Variants in CDH23 observed in about 807,000 individuals in gnomAD.
The protein encoded by CDH23 is cadherin related 23, also known as cadherin-23.
A neutral mutation model predicts 317.1 loss-of-function variants in CDH23; 189 were observed. That is an observed-to-expected ratio of 0.60 (90% CI 0.53 to 0.67). The LOEUF is 0.67. CDH23 is among the 30% of genes least tolerant of loss of function. The probability of loss-of-function intolerance (pLI) is 0.00; values close to 1 mark genes in which losing one functional copy is unlikely to be tolerated. For missense variants in CDH23, 4,401 were observed against 4,592.4 expected (o/e 0.96, Z 1.20); for synonymous variants, 1,839 against 1,876.8 (o/e 0.98, Z 0.52).
chr10:71,445,967 G>A (rs1184384828), intron 2 of CDH23, among the ~76,000 whole-genome samples: 3 of 151,392 alleles, frequency 2.0e-5, no homozygotes, highest in South Asian at 2.1e-4. Context: ...TATAATCAAT[G>A]TAAAAGATCA....
intron 1 of CDH23, among the ~76,000 whole-genome samples, chr10:71,433,228 C>T (rs1273879998): frequency 6.6e-6 from 1 of 152,180 alleles, no homozygotes; most frequent in African/African-American, 2.4e-5. Flanking sequence ...ATCCAAACAC[C>T]ATCCCCTGTT....
At chr10:71,779,501 A>G (rs1362495020) in intron 41 of CDH23, 54 bp downstream of exon 41, 2 of 1,465,554 alleles carry the variant, frequency 1.4e-6, no homozygotes, top group African/African-American at 2.8e-5. Flanking sequence ...ACACCCGCTC[A>G]GGGGAGGATA....
At chr10:71,772,415 G>C (rs74145650) in intron 38 of CDH23, among the ~76,000 whole-genome samples, 78 of 152,274 alleles carry the variant, frequency 5.1e-4, no homozygotes, top group African/African-American at 1.9e-3. Context: ...ATAAAGTTTG[G>C]TTCCACAGGC....
chr10:71,509,656 T>C (rs1853842006), intron 3 of CDH23, among the ~76,000 whole-genome samples: 1 of 152,132 alleles, frequency 6.6e-6, no homozygotes, highest in African/African-American at 2.4e-5. Flanking sequence ...CCTGAACCAG[T>C]CATCATGACC....
intron 8 of CDH23, 122 bp from the exon 9 acceptor site, chr10:71,577,792 T>C: frequency 2.6e-6 from 2 of 779,922 alleles, no homozygotes; most frequent in South Asian, 3.2e-5. Flanking sequence ...TGGCATCTAC[T>C]TCCTGGGTTG....
chr10:71,444,250 T>TA (rs1482165258), intron 2 of CDH23, among the ~76,000 whole-genome samples: 1 of 152,260 alleles, frequency 6.6e-6, no homozygotes, highest in Admixed American at 6.5e-5. Context: ...GCTAAGCGCT[T>TA]TATGTATGTA....
At chr10:71,696,744 A>G (rs1865404872) in intron 22 of CDH23, among the ~76,000 whole-genome samples, 1 of 152,230 alleles carries the variant, frequency 6.6e-6, no homozygotes, top group African/African-American at 2.4e-5. Context: ...GAATAGGCAC[A>G]GTGGAATAGG....
At chr10:71,502,041 C>G (rs1035577736) in intron 3 of CDH23, among the ~76,000 whole-genome samples, 2 of 152,226 alleles carry the variant, frequency 1.3e-5, no homozygotes, top group Non-Finnish European at 2.9e-5. Flanking sequence ...CCAGGCGGCC[C>G]TCTCCCGGCC....
At chr10:71,648,242 A>T (rs1424728117) in intron 14 of CDH23, among the ~76,000 whole-genome samples, 1 of 152,164 alleles carries the variant, frequency 6.6e-6, no homozygotes, top group African/African-American at 2.4e-5. Context: ...GGCCCCCTGG[A>T]CCTTCCTTCA....
intron 6 of CDH23, among the ~76,000 whole-genome samples, chr10:71,543,900 T>C (rs933932460): frequency 6.6e-6 from 1 of 152,180 alleles, no homozygotes; most frequent in African/African-American, 2.4e-5. Flanking sequence ...AGACGGATCC[T>C]TGGGCCTCTT....
At chr10:71,403,326 C>CCTTTCTTTCTTTCTTT (rs201389920) in intron 1 of CDH23, among the ~76,000 whole-genome samples, 10 of 60,772 alleles carry the variant, frequency 1.6e-4, no homozygotes, top group Non-Finnish European at 2.8e-4. Context: ...TTCCTTCCTT[C>CCTTTCTTTCTTTCTTT]CTTTCTTTCT....
At chr10:71,619,132 C>T (rs895563020) in intron 11 of CDH23, among the ~76,000 whole-genome samples, 4 of 152,022 alleles carry the variant, frequency 2.6e-5, no homozygotes, top group African/African-American at 9.7e-5. Context: ...GCCAGGAGTT[C>T]GAGACCAGCC....
intron 44 of CDH23, among the ~76,000 whole-genome samples, chr10:71,786,259 T>C (rs1013409649): frequency 1.3e-5 from 2 of 152,132 alleles, no homozygotes; most frequent in Non-Finnish European, 2.9e-5. Flanking sequence ...TCCCTTTGGG[T>C]TGGGGGTCAG....
At chr10:71,537,189 C>T (rs1046984276) in intron 6 of CDH23, among the ~76,000 whole-genome samples, 2 of 151,950 alleles carry the variant, frequency 1.3e-5, no homozygotes, top group Non-Finnish European at 2.9e-5. Flanking sequence ...AACCCCTACT[C>T]CCCAAGCAGA....
intron 49 of CDH23, among the ~76,000 whole-genome samples, chr10:71,797,628 C>T (rs914535661): frequency 1.3e-5 from 2 of 152,148 alleles, no homozygotes; most frequent in Non-Finnish European, 2.9e-5. Flanking sequence ...AGGGTTAGCA[C>T]AAAGGAAGCA....
rs781698111 is a variant in CDH23, at chr10:71,793,439, C to T, written c.6511C>T (p.Arg2171Cys). 1.1e-5 allele frequency: 17 copies of T among 1,613,884 alleles called. No individual in the cohort carries two copies. The Admixed American group carries it at 1.2e-4, about 11-fold the overall frequency. ...TCTGATCGATGACATCAATGACTCC[C>T]GCCCCGAGTTCCTCAACCCCATCCA... is the stretch of plus-strand genomic sequence containing the variant. ...TILIDDINDS[R>C]PEFLNPIQTV... The change falls in exon 48 of 70, where the codon CGC (arginine) becomes TGC (cysteine). Residue 2171 changes from arginine to cysteine, a missense_variant. Coordinates refer to ENST00000224721, the MANE Select transcript of CDH23 (RefSeq NM_022124.6).
At chr10:71,777,329 G>C (rs1391724552) in intron 38 of CDH23, among the ~76,000 whole-genome samples, 1 of 152,160 alleles carries the variant, frequency 6.6e-6, no homozygotes, top group Non-Finnish European at 1.5e-5. Context: ...TGACTACCAG[G>C]GTTCATCCCA....
intron 3 of CDH23, among the ~76,000 whole-genome samples, chr10:71,454,509 G>A (rs947692181): frequency 2.0e-5 from 3 of 152,188 alleles, no homozygotes; most frequent in African/African-American, 7.2e-5. Context: ...AACCTAGACT[G>A]GAAATTGGCC....
chr10:71,740,107 T>C (rs1414854122), intron 36 of CDH23, among the ~76,000 whole-genome samples: 1 of 152,206 alleles, frequency 6.6e-6, no homozygotes, highest in Non-Finnish European at 1.5e-5. Flanking sequence ...GGACAGGTTA[T>C]TAACTCTGGG....
Sources: gnomAD v4.1 joint callset for allele counts (sites outside exome capture counted in the v4.1 genomes callset) on GRCh38, gnomAD v4.1.1 for gene constraint, MANE v1.5 for transcripts, NCBI Gene and HGNC (gene_info 2026-07-23, HGNC 2026-07-21) for gene names.